LPAR1: variants seen among roughly 807,000 people sequenced by gnomAD.
LPAR1 encodes the protein LPA receptor 1.
Under a neutral mutation model 23.8 loss-of-function variants are expected in LPAR1, and 5 were observed. That is an observed-to-expected ratio of 0.21 (90% confidence interval 0.11 to 0.44). The LOEUF (loss-of-function observed/expected upper bound fraction) is 0.44. Ranked by LOEUF, LPAR1 falls within the 20% of genes least tolerant of loss-of-function variation. The pLI, the probability that LPAR1 is intolerant of heterozygous loss-of-function variation, is 0.99. For synonymous variants in LPAR1, 160 were observed against 164.7 expected (o/e 0.97, Z 0.22); for missense variants, 311 against 482.8 (o/e 0.64, Z 3.33).
chr9:110,878,779 A>G (rs2079850320), intron 5 of LPAR1, among the ~76,000 whole-genome samples: 1 of 152,198 alleles, frequency 6.6e-6, no homozygotes, highest in Non-Finnish European at 1.5e-5. Flanking sequence ...GCAGAGCCCT[A>G]GGATAGATTC....
At chr9:111,005,424 T>C (rs1362819421) in intron 2 of LPAR1, among the ~76,000 whole-genome samples, 1 of 151,206 alleles carries the variant, frequency 6.6e-6, no homozygotes, top group Non-Finnish European at 1.5e-5. Context: ...TGTGTGACTG[T>C]GTAGTCCCAG....
chr9:110,948,225 C>T (rs927446948), intron 4 of LPAR1, among the ~76,000 whole-genome samples: 1 of 152,072 alleles, frequency 6.6e-6, no homozygotes, highest in African/African-American at 2.4e-5. Context: ...TAATTAAATT[C>T]CATTAAGTCT....
chr9:110,979,792 G>A (rs1280522436), intron 2 of LPAR1, among the ~76,000 whole-genome samples: 3 of 152,030 alleles, frequency 2.0e-5, no homozygotes, highest in Non-Finnish European at 4.4e-5. Context: ...AGACAGGCAT[G>A]TGATACAGGA....
At chr9:110,922,085 G>T (rs1346134469) in intron 5 of LPAR1, among the ~76,000 whole-genome samples, 1 of 152,204 alleles carries the variant, frequency 6.6e-6, no homozygotes, top group African/African-American at 2.4e-5. Flanking sequence ...AGAAATAAAA[G>T]TAGGAACTGG....
intron 5 of LPAR1, among the ~76,000 whole-genome samples, chr9:110,887,530 A>G (rs984471264): frequency 1.3e-5 from 2 of 152,278 alleles, no homozygotes; most frequent in African/African-American, 4.8e-5. Flanking sequence ...GTCTGTTCTA[A>G]TATGATAGCT....
At chr9:110,892,813 G>GAAGT in intron 5 of LPAR1, among the ~76,000 whole-genome samples, 2 of 112,622 alleles carry the variant, frequency 1.8e-5, no homozygotes, top group East Asian at 4.8e-4. Flanking sequence ...AGGAAGGAAG[G>GAAGT]AAGGAAGGAA....
intron 4 of LPAR1, among the ~76,000 whole-genome samples, chr9:110,966,998 C>G (rs955283239): frequency 6.6e-6 from 1 of 152,150 alleles, no homozygotes; most frequent in Non-Finnish European, 1.5e-5. Flanking sequence ...GTTTCCTACC[C>G]CATCCCCATG....
intron 5 of LPAR1, among the ~76,000 whole-genome samples, chr9:110,920,123 T>C (rs761146910): frequency 6.6e-6 from 1 of 152,220 alleles, no homozygotes; most frequent in African/African-American, 2.4e-5. Context: ...ATGTTCTCTC[T>C]GCCCTGCACA....
intron 5 of LPAR1, among the ~76,000 whole-genome samples, chr9:110,931,672 T>C (rs910106144): frequency 2.0e-5 from 3 of 152,200 alleles, no homozygotes; most frequent in Admixed American, 6.5e-5. Flanking sequence ...ATTTAAGTCT[T>C]TAATCCATCT....
intron 5 of LPAR1, among the ~76,000 whole-genome samples, chr9:110,915,711 T>C (rs910845748): frequency 7.2e-5 from 11 of 152,236 alleles, no homozygotes; most frequent in Non-Finnish European, 1.2e-4. Flanking sequence ...ATACTCATTT[T>C]TCTTAGAATA....
intron 2 of LPAR1, among the ~76,000 whole-genome samples, chr9:111,034,492 A>G (rs912820703): frequency 6.6e-6 from 1 of 152,242 alleles, no homozygotes. Flanking sequence ...AGGTCCAGCT[A>G]TAACACAATA....
intron 5 of LPAR1, among the ~76,000 whole-genome samples, chr9:110,899,526 G>T (rs1017868250): frequency 6.6e-6 from 1 of 152,174 alleles, no homozygotes; most frequent in Non-Finnish European, 1.5e-5. Context: ...GGAACCGTAA[G>T]TGCAGGGAGT....
At chr9:110,936,221 GCA>G (rs937996674) in intron 5 of LPAR1, among the ~76,000 whole-genome samples, 1 of 152,122 alleles carries the variant, frequency 6.6e-6, no homozygotes, top group African/African-American at 2.4e-5. Context: ...TTATCCCTTA[GCA>G]CACAATTGGC....
rs57784457 is a variant in LPAR1, at chr9:110,978,089, T to C, written c.-181-4531A>G. On this transcript the variant is annotated intron_variant, in intron 2 of 5. Transcript: ENST00000683809. Reference sequence around the variant, plus strand: ...ATTTACTTAAGAAATAGATATACTATATAAAAGAGAAAACTCTATTAACAG... The same window carrying C: ...ATTTACTTAAGAAATAGATATACTACATAAAAGAGAAAACTCTATTAACAG... 9.0e-3 allele frequency among the ~76,000 whole-genome samples: 1,372 copies of C among 152,226 alleles called. 22 individuals are homozygous for C. Among genetic ancestry groups the C allele is most frequent in the African/African-American group, 0.031 (1,294 of 41,544 alleles).
At chr9:111,023,832 T>A (rs1388016805) in intron 2 of LPAR1, among the ~76,000 whole-genome samples, 1 of 152,196 alleles carries the variant, frequency 6.6e-6, no homozygotes, top group African/African-American at 2.4e-5. Context: ...CAGAGTTTAC[T>A]ATGTGTAGTA....
chr9:110,937,092 T>G (rs888308192), intron 5 of LPAR1, among the ~76,000 whole-genome samples: 2 of 152,124 alleles, frequency 1.3e-5, no homozygotes, highest in Non-Finnish European at 2.9e-5. Context: ...TCAGAAGCCA[T>G]CAGTTAGTGC....
chr9:110,972,004 C>T, intron 4 of LPAR1, 69 bp downstream of exon 4: 1 of 1,358,296 alleles, frequency 7.4e-7, no homozygotes, highest in Non-Finnish European at 1.1e-6. Context: ...AATACACTTC[C>T]TGAAACCCAG....
chr9:110,925,198 G>C (rs780121405), intron 5 of LPAR1, among the ~76,000 whole-genome samples: 33 of 151,426 alleles, frequency 2.2e-4, no homozygotes, highest in Non-Finnish European at 4.1e-4. Context: ...CCAAAATACA[G>C]TTTTTTCCTG....
intron 5 of LPAR1, among the ~76,000 whole-genome samples, chr9:110,919,848 A>T (rs1156436850): frequency 6.6e-6 from 1 of 152,152 alleles, no homozygotes; most frequent in Admixed American, 6.5e-5. Flanking sequence ...ACAATTTTCT[A>T]ATCAGCCACC....
Sources: gnomAD v4.1 joint callset for allele counts (sites outside exome capture counted in the v4.1 genomes callset) on GRCh38, gnomAD v4.1.1 for gene constraint, MANE v1.5 for transcripts, NCBI Gene and HGNC (gene_info 2026-07-23, HGNC 2026-07-21) for gene names.